The following KCNIP4 variants were observed in gnomAD, a reference collection of about 807,000 sequenced individuals.
The protein encoded by KCNIP4 is Kv channel-interacting protein 4.
In KCNIP4, 12 loss-of-function variants were observed where a neutral mutation model predicts 34.0. The observed-to-expected ratio is 0.35, with a 90% confidence interval of 0.23 to 0.57. The LOEUF is 0.57. Ranked by LOEUF, KCNIP4 falls within the 20% of genes least tolerant of loss-of-function variation. The pLI is 0.83. For synonymous variants in KCNIP4, 124 were observed against 102.2 expected, an observed-to-expected ratio of 1.21 and a Z score of -1.29; for missense variants, 238 against 311.7, an observed-to-expected ratio of 0.76 and a Z score of 1.78.
chr4:21,538,596 G>A (rs931254923), intron 1 of KCNIP4, among the ~76,000 whole-genome samples: 2 of 152,082 alleles, frequency 1.3e-5, no homozygotes, highest in African/African-American at 4.8e-5. Context: ...GGGGTTCCCA[G>A]TATTTCCTTT....
intron 2 of KCNIP4, among the ~76,000 whole-genome samples, chr4:20,864,223 CATATATATGTACACATATGTAT>C (rs1722604415): frequency 6.9e-6 from 1 of 144,574 alleles, no homozygotes; most frequent in African/African-American, 2.5e-5. Context: ...TGTATATATG[CATATATATGTACACATATGTAT>C]GTATATATGC....
chr4:20,977,771 TCTAC>T (rs1404008411), intron 1 of KCNIP4, among the ~76,000 whole-genome samples: 3 of 152,234 alleles, frequency 2.0e-5, no homozygotes, highest in African/African-American at 7.2e-5. Flanking sequence ...GTTTCTAGTC[TCTAC>T]CTGTCAAAGT....
chr4:21,273,756 C>CATGAAAGGTG (rs1762286993), intron 1 of KCNIP4, among the ~76,000 whole-genome samples: 1 of 152,150 alleles, frequency 6.6e-6, no homozygotes, highest in Non-Finnish European at 1.5e-5. Flanking sequence ...ACCCAAATCC[C>CATGAAAGGTG]ATGAAAGGTG....
rs567332563 is a variant in KCNIP4, at chr4:20,986,203, A to G, written c.62-103494T>C. On this transcript the variant is annotated intron_variant, in intron 1 of 8. Coordinates refer to ENST00000382152, the MANE Select transcript of KCNIP4 (RefSeq NM_025221.6). ...AAGGTCTAGTTTCAGCGTTTTTCCCATGAAGACCTGCTGATCATCTCAACC... is the reference window on the plus strand; with the variant it reads ...AAGGTCTAGTTTCAGCGTTTTTCCCGTGAAGACCTGCTGATCATCTCAACC... 5.3e-5 allele frequency among the ~76,000 whole-genome samples: 8 copies of G among 152,266 alleles called. No homozygotes were observed. In the East Asian group the frequency reaches 5.8e-4, roughly 11 times the overall value.
intron 1 of KCNIP4, among the ~76,000 whole-genome samples, chr4:21,085,526 C>T (rs1034022594): frequency 2.6e-5 from 4 of 152,096 alleles, no homozygotes; most frequent in African/African-American, 9.7e-5. Context: ...AGACAATTTC[C>T]TGCCTCCATG....
chr4:21,030,019 C>T (rs1436525556), intron 1 of KCNIP4, among the ~76,000 whole-genome samples: 1 of 152,174 alleles, frequency 6.6e-6, no homozygotes, highest in Non-Finnish European at 1.5e-5. Flanking sequence ...GTTGGAGACT[C>T]CCTTTGCTAT....
chr4:20,770,114 G>GTTT (rs1292152950), intron 3 of KCNIP4, among the ~76,000 whole-genome samples: 53 of 152,284 alleles, frequency 3.5e-4, no homozygotes, highest in African/African-American at 1.3e-3. Context: ...TGCTTCTTCT[G>GTTT]AACATCAGTT....
At chr4:20,795,033 A>G (rs1334244193) in intron 3 of KCNIP4, among the ~76,000 whole-genome samples, 1 of 152,202 alleles carries the variant, frequency 6.6e-6, no homozygotes, top group African/African-American at 2.4e-5. Context: ...GCAGTAATTT[A>G]CAGCTTGATT....
chr4:20,992,082 A>G (rs1246485341), intron 1 of KCNIP4, among the ~76,000 whole-genome samples: 1 of 152,192 alleles, frequency 6.6e-6, no homozygotes, highest in African/African-American at 2.4e-5. Context: ...ATTTTGTTGT[A>G]TAGGAGTTGT....
At chr4:21,512,940 A>G (rs1340391989) in intron 1 of KCNIP4, among the ~76,000 whole-genome samples, 3 of 152,218 alleles carry the variant, frequency 2.0e-5, no homozygotes, top group Non-Finnish European at 4.4e-5. Context: ...AATAGCAGCA[A>G]TCCCATATGG....
chr4:20,912,671 T>C (rs1042929148), intron 1 of KCNIP4, among the ~76,000 whole-genome samples: 1 of 152,136 alleles, frequency 6.6e-6, no homozygotes, highest in Non-Finnish European at 1.5e-5. Flanking sequence ...CATAGAAAAC[T>C]GTTACATCTC....
chr4:21,683,170 C>G (rs989393909), intron 1 of KCNIP4, among the ~76,000 whole-genome samples: 14 of 152,168 alleles, frequency 9.2e-5, no homozygotes, highest in Non-Finnish European at 1.8e-4. Flanking sequence ...CCTCATGCAT[C>G]TTAAAATCCC....
intron 3 of KCNIP4, among the ~76,000 whole-genome samples, chr4:20,803,856 T>C (rs909812627): frequency 2.0e-5 from 3 of 151,998 alleles, no homozygotes; most frequent in Admixed American, 2.0e-4. Flanking sequence ...GCCATTTGAT[T>C]TATGAGAAAA....
At chr4:21,630,966 C>T (rs1013494168) in intron 1 of KCNIP4, among the ~76,000 whole-genome samples, 5 of 152,290 alleles carry the variant, frequency 3.3e-5, no homozygotes, top group African/African-American at 4.8e-5. Context: ...TACTTTCACA[C>T]GCCCCTTGCA....
intron 1 of KCNIP4, among the ~76,000 whole-genome samples, chr4:20,902,530 A>G (rs996606740): frequency 2.0e-5 from 3 of 151,984 alleles, no homozygotes; most frequent in Non-Finnish European, 2.9e-5. Context: ...TGTTATTGCT[A>G]TTTTTTGAGA....
At chr4:21,222,898 AGACG>A (rs556983255) in intron 1 of KCNIP4, among the ~76,000 whole-genome samples, 162 of 152,320 alleles carry the variant, frequency 1.1e-3, no homozygotes, top group African/African-American at 3.7e-3. Context: ...CACAGAAGGT[AGACG>A]ACTAAAGTTT....
At chr4:21,379,625 T>A (rs551597540) in intron 1 of KCNIP4, among the ~76,000 whole-genome samples, 126 of 152,216 alleles carry the variant, frequency 8.3e-4, no homozygotes, top group Non-Finnish European at 1.4e-3. Flanking sequence ...CAGTGACATA[T>A]AAACTGTTCT....
chr4:21,571,372 T>G (rs1182767507), intron 1 of KCNIP4, among the ~76,000 whole-genome samples: 1 of 152,214 alleles, frequency 6.6e-6, no homozygotes, highest in African/African-American at 2.4e-5. Context: ...TGCACATCCA[T>G]GCAGACCTGA....
chr4:21,254,668 A>G (rs1018224041), intron 1 of KCNIP4, among the ~76,000 whole-genome samples: 11 of 152,110 alleles, frequency 7.2e-5, no homozygotes, highest in Non-Finnish European at 2.9e-5. Flanking sequence ...CTGAGTATCC[A>G]TTATCTCTTT....
Sources: gnomAD v4.1 joint callset for allele counts (sites outside exome capture counted in the v4.1 genomes callset) on GRCh38, gnomAD v4.1.1 for gene constraint, MANE v1.5 for transcripts, NCBI Gene and HGNC (gene_info 2026-07-23, HGNC 2026-07-21) for gene names.